The following BAZ2A variants were observed in gnomAD, a reference collection of about 807,000 sequenced individuals.
BAZ2A encodes the protein bromodomain adjacent to zinc finger domain protein 2A.
Under a neutral mutation model 199.9 loss-of-function variants are expected in BAZ2A, and 34 were observed. That is an observed-to-expected ratio of 0.17 (90% CI 0.13 to 0.23). The LOEUF (loss-of-function observed/expected upper bound fraction) is 0.23. Ranked by LOEUF, BAZ2A falls within the 10% of genes least tolerant of loss-of-function variation. BAZ2A has a pLI of 1.00. For missense variants in BAZ2A, 2,002 were observed against 2,391.1 expected (o/e 0.84, Z 3.39); for synonymous variants, 857 against 883.9 (o/e 0.97, Z 0.54).
At position 56,611,979 on chromosome 12, in the gene BAZ2A, G is replaced by A. The variant is rs1950571522; in HGVS notation, c.1403C>T (p.Ser468Phe). The change falls in exon 6 of 29, where the codon TCT becomes TTT. Residue 468 changes from serine (S) to phenylalanine (F), a missense_variant. Transcript: ENST00000549884. Reference protein sequence around the residue: ...VVSPAVFSVVSPASSAVLPAV... With the variant: ...VVSPAVFSVVFPASSAVLPAV... ...TGGGAGGACTGCTGAGGAAGCTGGA[G>A]AGACCACTGAGAAGACTGCTGGAGA... The A allele has an allele frequency of 1.2e-6, 2 of 1,613,452 alleles. No individual in the cohort carries two copies. Among genetic ancestry groups the A allele is most frequent in the South Asian group, 1.1e-5 (1 of 90,942 alleles).
chr12:56,608,106 G>T (rs1592577860), intron 10 of BAZ2A, among the ~76,000 whole-genome samples: 1 of 149,558 alleles, frequency 6.7e-6, no homozygotes, highest in Admixed American at 6.7e-5. Flanking sequence ...AGGCGTGGGG[G>T]CTACACCTGT....
chr12:56,617,001 G>A (rs1364391113), intron 2 of BAZ2A, among the ~76,000 whole-genome samples: 1 of 152,158 alleles, frequency 6.6e-6, no homozygotes, highest in African/African-American at 2.4e-5. Flanking sequence ...TTTCTCTGAT[G>A]TACAAACTAA....
At chr12:56,602,907 AGTG>A in intron 18 of BAZ2A, 50 bp from the exon 19 acceptor site, 1 of 1,557,422 alleles carries the variant, frequency 6.4e-7, no homozygotes, top group South Asian at 1.2e-5. Context: ...CCAGAGTGAC[AGTG>A]GTGAATTCAT....
At chr12:56,606,433 C>A (rs1233265187) in intron 11 of BAZ2A, 121 bp from the exon 12 acceptor site, 6 of 1,277,480 alleles carry the variant, frequency 4.7e-6, no homozygotes, top group Admixed American at 1.9e-5. Context: ...GAGGGGTTGG[C>A]AATGGATTAA....
intron 13 of BAZ2A, 96 bp from the exon 14 acceptor site, chr12:56,605,423 AT>A (rs376954501): frequency 0.19 from 195,166 of 1,012,036 alleles, 3 homozygotes; most frequent in East Asian, 0.24. Flanking sequence ...TTTTTATGTA[AT>A]TTTTTTTTTT....
chr12:56,610,821 G>A (rs777377736), intron 7 of BAZ2A, among the ~76,000 whole-genome samples: 1 of 152,096 alleles, frequency 6.6e-6, no homozygotes, highest in Non-Finnish European at 1.5e-5. Context: ...AGCCATTCAG[G>A]GCAGTTACTG....
At chr12:56,636,170 C>A (rs1322444381) in intron 1 of BAZ2A, 2 of 1,592,824 alleles carry the variant, frequency 1.3e-6, no homozygotes, top group African/African-American at 2.7e-5. Flanking sequence ...CGGGGCTGGT[C>A]CCCATACTCA....
chr12:56,602,722 C>T lies in BAZ2A; in HGVS notation c.3415G>A (p.Gly1139Arg). ...LAGIFVEGTE[G>R]NLVPEEVIKK... ...CCACAGGCACACCTACCTAAGTTCC[C>T]CTCTGTTCCTTCTACAAAGATACCA... is the stretch of plus-strand genomic sequence containing the variant. Residue 1139 changes from glycine (G) to arginine (R), a missense_variant, in exon 19 of 29, where the codon GGG (glycine) becomes AGG (arginine). Gly to Arg is a moderately radical substitution (Grantham distance 125, BLOSUM62 -2). Transcript: ENST00000549884. 1 of 1,613,808 alleles carries T rather than the reference C, an allele frequency of 6.2e-7. No individual in the cohort carries two copies. The highest frequency in any genetic ancestry group is 1.1e-5 in the South Asian group (1 of 91,072).
At position 56,597,637 on chromosome 12, in the gene BAZ2A, GACACACACACACAC is replaced by G. The variant is rs35960815; in HGVS notation, c.*967_*980del. The G allele has an allele frequency of 1.8e-3, 233 of 127,254 alleles. 3 individuals carry two copies. The highest frequency in any genetic ancestry group is 2.2e-3 in the African/African-American group (64 of 29,462). The allele number at this position is 127,254 out of a possible 1,614,324, so 7.9% of individuals were successfully genotyped here. A position where few individuals can be genotyped will look rare whatever the true frequency, so the allele number is the denominator to read the frequency against. ...CACACACACAGCGCGCTCTGAGGCC[GACACACACACACAC>G]ACACACACACACACACACACACAGC... On this transcript the variant is annotated 3_prime_UTR_variant, in exon 29 of 29. Transcript: ENST00000549884.
chr12:56,600,754 T>A lies in BAZ2A; in HGVS notation c.4529A>T (p.Glu1510Val). 6.2e-7 allele frequency: 1 copy of A among 1,613,850 alleles called. No homozygotes were observed. Among genetic ancestry groups the A allele is most frequent in the Non-Finnish European group, 8.5e-7 (1 of 1,179,906 alleles). Residue 1510 changes from glutamate to valine, a missense_variant, in exon 23 of 29, where the codon GAG (glutamate) becomes GTG (valine). Physicochemically the swap from Glu to Val is moderately radical, Grantham distance 121. Around this residue, in one of 6 missense-constraint regions of BAZ2A, gnomAD observed 1,081 missense variants for 1,274.7 expected, o/e 0.85. Coordinates refer to ENST00000549884, the MANE Select transcript of BAZ2A (RefSeq NM_001300905.2). ...CCATTGAAGCACTGCTAGGTCTGTC[T>A]CGTATGTCTTCTCTTTGGGGGACCA... ...MSWSPKEKTY[E>V]TDLAVLQWVE... is the part of the protein sequence containing the mutation.
At chr12:56,611,531 A>C (rs1384515760) in intron 7 of BAZ2A, 42 bp downstream of exon 7, 3 of 1,578,008 alleles carry the variant, frequency 1.9e-6, no homozygotes, top group African/African-American at 2.7e-5. Context: ...TTGTGCATTA[A>C]ACTTGTCAAG....
At chr12:56,600,876 T>C in intron 22 of BAZ2A, 44 bp from the exon 23 acceptor site, 1 of 1,611,508 alleles carries the variant, frequency 6.2e-7, no homozygotes, top group Non-Finnish European at 8.5e-7. Flanking sequence ...CAGGCTGTTG[T>C]CCCTAGCAGC....
chr12:56,624,756 T>C (rs542801864), intron 1 of BAZ2A, among the ~76,000 whole-genome samples: 6 of 151,962 alleles, frequency 3.9e-5, no homozygotes, highest in Non-Finnish European at 5.9e-5. Context: ...GTACTGATAA[T>C]GTAAAAAGCC....
chr12:56,610,036 ACCC>A, intron 9 of BAZ2A, 75 bp downstream of exon 9: 1 of 1,600,858 alleles, frequency 6.2e-7, no homozygotes, highest in Non-Finnish European at 8.6e-7. Flanking sequence ...GAACCTTCAA[ACCC>A]CACGAGAGGA....
chr12:56,637,162 G>A (rs1339942047), upstream of BAZ2A, among the ~76,000 whole-genome samples: 2 of 152,216 alleles, frequency 1.3e-5, no homozygotes, highest in Admixed American at 1.3e-4. Flanking sequence ...TTTGAAAATG[G>A]GATCAGAGTT....
At chr12:56,613,925 G>T (rs1592594558) in intron 4 of BAZ2A, 28 bp downstream of exon 4, 1 of 1,602,674 alleles carries the variant, frequency 6.2e-7, no homozygotes, top group Non-Finnish European at 8.5e-7. Flanking sequence ...GCATGGATAA[G>T]TTAAAGGGAC....
chr12:56,616,511 G>T (rs1014111468), intron 2 of BAZ2A, among the ~76,000 whole-genome samples: 1 of 152,158 alleles, frequency 6.6e-6, no homozygotes, highest in Non-Finnish European at 1.5e-5. Flanking sequence ...AAGGTAATAT[G>T]CCAGCTGGCG....
upstream of BAZ2A, chr12:56,636,681 C>T (rs536274199): frequency 4.4e-5 from 7 of 159,118 alleles, no homozygotes; most frequent in African/African-American, 1.7e-4. Context: ...GAAAACAAAG[C>T]AGAAAGGGCT....
At position 56,617,417 on chromosome 12, in the gene BAZ2A, C is replaced by A. The variant is rs760726912; in HGVS notation, c.114G>T (p.Met38Ile). 3.7e-6 allele frequency: 6 copies of A among 1,603,158 alleles called. No individual in the cohort carries two copies. The highest frequency in any genetic ancestry group is 1.7e-5 in the Admixed American group (1 of 58,362). The change falls in exon 2 of 29, where the codon ATG becomes ATT. Residue 38 changes from methionine (M) to isoleucine (I), a missense_variant. Transcript: ENST00000549884. ...GEGLYTNGSP[M>I]NFPQQGKSLN... ...CACTTTTCCCTTGCTGGGGGAAGTT[C>A]ATGGGAGACCCGTTAGTGTAGAGGC...
Sources: allele counts gnomAD v4.1 joint callset (sites outside exome capture counted in the v4.1 genomes callset), GRCh38; gene constraint gnomAD v4.1.1; regional missense constraint gnomAD v4.1.1; transcripts MANE v1.5; gene names NCBI Gene and HGNC (gene_info 2026-07-23, HGNC 2026-07-21).